Variants in ASCC3 observed in about 807,000 individuals in gnomAD.
ASCC3 encodes the protein activating signal cointegrator 1 complex subunit 3.
A neutral mutation model predicts 256.3 loss-of-function variants in ASCC3; 158 were observed. The observed-to-expected ratio is 0.62, with a 90% confidence interval of 0.54 to 0.70. The LOEUF is 0.70. Ranked by LOEUF, ASCC3 falls within the 30% of genes least tolerant of loss-of-function variation. ASCC3 has a pLI of 0.00. For missense variants in ASCC3, 2,259 were observed against 2,626.0 expected (o/e 0.86, Z 3.05); for synonymous variants, 948 against 883.4 (o/e 1.07, Z -1.30).
intron 10 of ASCC3, among the ~76,000 whole-genome samples, chr6:100,732,067 A>C (rs1175869345): frequency 6.6e-6 from 1 of 151,580 alleles, no homozygotes; most frequent in East Asian, 2.0e-4. Flanking sequence ...AGGCTGAGGC[A>C]GGAGAATCAC....
chr6:100,580,568 T>C (rs558718660), intron 36 of ASCC3, among the ~76,000 whole-genome samples: 1 of 151,302 alleles, frequency 6.6e-6, no homozygotes, highest in African/African-American at 2.4e-5. Flanking sequence ...AGACCCAAAA[T>C]AAAAATCTTT....
intron 36 of ASCC3, among the ~76,000 whole-genome samples, chr6:100,555,340 T>TG (rs1471151581): frequency 6.6e-6 from 1 of 152,228 alleles, no homozygotes; most frequent in African/African-American, 2.4e-5. Context: ...AGGGCTCATG[T>TG]GAATATATGT....
intron 4 of ASCC3, among the ~76,000 whole-genome samples, chr6:100,806,999 T>C (rs934042076): frequency 1.3e-5 from 2 of 151,878 alleles, no homozygotes; most frequent in African/African-American, 4.8e-5. Flanking sequence ...TTTACACAAA[T>C]TGGCCAAAGT....
intron 19 of ASCC3, 142 bp from the exon 20 acceptor site, chr6:100,650,856 T>A: frequency 1.4e-6 from 1 of 708,210 alleles, no homozygotes; most frequent in Non-Finnish European, 2.4e-6. Flanking sequence ...TAAATAACAA[T>A]GATTTTTCCA....
chr6:100,818,158 G>C (rs1258953554), intron 4 of ASCC3, among the ~76,000 whole-genome samples: 1 of 152,112 alleles, frequency 6.6e-6, no homozygotes, highest in African/African-American at 2.4e-5. Context: ...CACATGATCA[G>C]CTCAACAGAT....
chr6:100,711,833 T>C (rs1356701880), intron 13 of ASCC3, among the ~76,000 whole-genome samples: 1 of 152,158 alleles, frequency 6.6e-6, no homozygotes, highest in East Asian at 1.9e-4. Flanking sequence ...TGTTATTAAT[T>C]CACAGTTCAA....
intron 13 of ASCC3, among the ~76,000 whole-genome samples, chr6:100,695,923 A>G (rs1226019373): frequency 6.6e-6 from 1 of 152,182 alleles, no homozygotes; most frequent in African/African-American, 2.4e-5. Context: ...AAGTTAGCCT[A>G]TGGCAGGCTA....
chr6:100,832,713 T>C (rs2114462386), intron 4 of ASCC3, among the ~76,000 whole-genome samples: 1 of 152,180 alleles, frequency 6.6e-6, no homozygotes, highest in East Asian at 1.9e-4. Flanking sequence ...ATTCAATCTA[T>C]TAGCTCCTAA....
At chr6:100,682,459 C>T (rs1402802498) in intron 13 of ASCC3, among the ~76,000 whole-genome samples, 1 of 152,082 alleles carries the variant, frequency 6.6e-6, no homozygotes, top group African/African-American at 2.4e-5. Context: ...CCATTAAAAA[C>T]CTGCACAATT....
chr6:100,524,551 G>A (rs939972118), intron 37 of ASCC3, among the ~76,000 whole-genome samples: 2 of 151,962 alleles, frequency 1.3e-5, no homozygotes, highest in Non-Finnish European at 2.9e-5. Context: ...ACGAAAATCC[G>A]TATCATTAAA....
At chr6:100,625,670 T>G (rs1196804549) in intron 29 of ASCC3, among the ~76,000 whole-genome samples, 2 of 152,096 alleles carry the variant, frequency 1.3e-5, no homozygotes, top group Non-Finnish European at 2.9e-5. Flanking sequence ...TTAGATTGAG[T>G]TTTCTGTACT....
intron 4 of ASCC3, among the ~76,000 whole-genome samples, chr6:100,827,414 A>G (rs1171620968): frequency 6.6e-6 from 1 of 152,176 alleles, no homozygotes; most frequent in African/African-American, 2.4e-5. Flanking sequence ...AGAAGGTCAA[A>G]CAGTTGGAAT....
chr6:100,770,996 TAAC>T (rs1781891662), intron 8 of ASCC3, among the ~76,000 whole-genome samples: 2 of 152,040 alleles, frequency 1.3e-5, no homozygotes, highest in Admixed American at 1.3e-4. Flanking sequence ...TGAAAAAGAA[TAAC>T]AATGTTAGAG....
At chr6:100,772,921 G>A (rs1782012290) in intron 8 of ASCC3, among the ~76,000 whole-genome samples, 1 of 152,146 alleles carries the variant, frequency 6.6e-6, no homozygotes, top group South Asian at 2.1e-4. Flanking sequence ...AGGTAAAGGT[G>A]TTATCTTTTT....
At chr6:100,772,645 T>C (rs1430960550) in intron 8 of ASCC3, among the ~76,000 whole-genome samples, 3 of 152,158 alleles carry the variant, frequency 2.0e-5, no homozygotes, top group African/African-American at 7.2e-5. Context: ...ATTAAACATC[T>C]GAGAGTACCA....
At chr6:100,614,843 A>G (rs1384707781) in intron 30 of ASCC3, among the ~76,000 whole-genome samples, 1 of 152,152 alleles carries the variant, frequency 6.6e-6, no homozygotes, top group Non-Finnish European at 1.5e-5. Flanking sequence ...TTATAAATCT[A>G]TTTTTTATTA....
At chr6:100,513,603 G>A (rs773667432) in intron 39 of ASCC3, among the ~76,000 whole-genome samples, 10 of 151,996 alleles carry the variant, frequency 6.6e-5, no homozygotes, top group Non-Finnish European at 1.5e-4. Flanking sequence ...ATATCATAAG[G>A]AATTCTATAA....
At chr6:100,662,567 T>C (rs900670234) in intron 14 of ASCC3, 31 bp from the exon 15 acceptor site, 2 of 1,605,256 alleles carry the variant, frequency 1.2e-6, no homozygotes, top group Non-Finnish European at 1.7e-6. Context: ...AGAGTATTAT[T>C]TAGCATTTAA....
intron 23 of ASCC3, 62 bp downstream of exon 23, chr6:100,643,969 A>C: frequency 9.1e-7 from 1 of 1,097,218 alleles, no homozygotes; most frequent in Non-Finnish European, 1.4e-6. Context: ...TAAAAGCAGA[A>C]ACTGTTAGTA....
Sources: gnomAD v4.1 joint callset for allele counts (sites outside exome capture counted in the v4.1 genomes callset) on GRCh38, gnomAD v4.1.1 for gene constraint, MANE v1.5 for transcripts, NCBI Gene and HGNC (gene_info 2026-07-23, HGNC 2026-07-21) for gene names.